The following LRSAM1 variants were observed in gnomAD, a reference collection of about 807,000 sequenced individuals.
LRSAM1 encodes the protein leucine rich repeat and sterile alpha motif containing 1.
A neutral mutation model predicts 118.1 loss-of-function variants in LRSAM1; 96 were observed. The ratio of observed to expected loss-of-function variants is 0.81; its 90% CI spans 0.69 to 0.96. The LOEUF is 0.96. LRSAM1 is among the 40% of genes least tolerant of loss of function. LRSAM1 has a pLI of 0.00. For missense variants in LRSAM1, 804 were observed against 915.5 expected (o/e 0.88, Z 1.57); for synonymous variants, 322 against 364.2 (o/e 0.88, Z 1.32).
chr9:127,463,198 C>CAA (rs35181083), intron 9 of LRSAM1, among the ~76,000 whole-genome samples: 98 of 98,600 alleles, frequency 9.9e-4, no homozygotes, highest in Admixed American at 2.0e-3. Flanking sequence ...GACTTTGTCT[C>CAA]AAAAAAAAAA....
chr9:127,460,986 G>T (rs1222218565), intron 7 of LRSAM1, among the ~76,000 whole-genome samples, 187 bp from the exon 8 acceptor site: 4 of 150,798 alleles, frequency 2.7e-5, no homozygotes, highest in African/African-American at 9.7e-5. Context: ...CTCCCGAGTA[G>T]CTGGGACTAC....
rs1359424380 is a variant in LRSAM1, at chr9:127,491,131, C to T, written c.1423-84C>T. On this transcript the variant is annotated intron_variant, in intron 19 of 25. Coordinates refer to ENST00000300417, the MANE Select transcript of LRSAM1 (RefSeq NM_001005373.4). ...CCTCCCCAGAAAGGCTTCTTAGACC[C>T]ACTTGGTCACCAGAGAGTAGCAGCA... 6 of 1,163,496 alleles carry T rather than the reference C, an allele frequency of 5.2e-6. No homozygotes were observed. In the Admixed American group the frequency reaches 8.4e-5, roughly 16 times the overall value. The allele number at this position is 1,163,496 out of a possible 1,614,324, so 72.1% of individuals were successfully genotyped here.
chr9:127,488,869 A>C (rs181718451), intron 18 of LRSAM1, among the ~76,000 whole-genome samples: 1 of 152,076 alleles, frequency 6.6e-6, no homozygotes, highest in Admixed American at 6.6e-5. Flanking sequence ...GGGATTACAG[A>C]CATGAGCCAC....
rs111823259 is a variant in LRSAM1 at position 127,474,260 on chromosome 9, CTT to C, written c.750+344_750+345del. 1.8e-3 allele frequency among the ~76,000 whole-genome samples: 252 copies of C among 139,446 alleles called. 1 individual carries two copies. Among genetic ancestry groups the C allele is most frequent in the South Asian group, 0.012 (52 of 4,354 alleles). The allele number at this position is 139,446 out of a possible 152,430, so 91.5% of individuals were successfully genotyped here. ...CACTCACTTGTCTTATCCTTCAGTT[CTT>C]TTTTTTTTTTTTTTCCTTTTTTTGA... is the stretch of plus-strand genomic sequence containing the variant. On this transcript the variant is annotated intron_variant, in intron 11 of 25. Coordinates refer to ENST00000300417, the MANE Select transcript of LRSAM1 (RefSeq NM_001005373.4).
At chr9:127,475,143 AG>A (rs1406231081) in intron 11 of LRSAM1, among the ~76,000 whole-genome samples, 1 of 152,140 alleles carries the variant, frequency 6.6e-6, no homozygotes, top group Non-Finnish European at 1.5e-5. Context: ...TCACATTCTC[AG>A]AAAATATTTG....
intron 2 of LRSAM1, chr9:127,453,669 A>C (rs570872733): frequency 6.6e-6 from 1 of 152,450 alleles, no homozygotes; most frequent in East Asian, 1.9e-4. Context: ...GAACAGGAAA[A>C]GGATAATGCC....
chr9:127,454,689 C>T lies in LRSAM1; in HGVS notation c.72+90C>T, dbSNP rs1588090580. The T allele has an allele frequency of 2.2e-6, 3 of 1,340,700 alleles. No homozygotes were observed. The East Asian group carries it at 7.2e-5, about 32-fold the overall frequency. The allele number at this position is 1,340,700 out of a possible 1,614,324, so 83.1% of individuals were successfully genotyped here. A position where few individuals can be genotyped will look rare whatever the true frequency, so the allele number is the denominator to read the frequency against. On this transcript the variant is annotated intron_variant, in intron 3 of 25. Coordinates refer to ENST00000300417, the MANE Select transcript of LRSAM1 (RefSeq NM_001005373.4). ...TCCGCACTGCCCCCAACAAGCCGTG[C>T]TCCTTCCCATCTGCCTCCCCCACCC...
rs533202276 is a variant in LRSAM1 at position 127,470,231 on chromosome 9, G to T, written c.619+2401G>T. On this transcript the variant is annotated intron_variant, in intron 10 of 25. Coordinates refer to ENST00000300417, the MANE Select transcript of LRSAM1 (RefSeq NM_001005373.4). ...ATGAAGAAATTCTTTATAAAGAAAA[G>T]AAGTTTAATTGACTCACAGTTTCAC... is the stretch of plus-strand genomic sequence containing the variant. Among the ~76,000 whole-genome samples, 4 of 152,140 alleles carry T rather than the reference G, an allele frequency of 2.6e-5. No individual in the cohort carries two copies. In the South Asian group the frequency reaches 8.3e-4, roughly 32 times the overall value.
At chr9:127,494,003 C>T (rs1232955388) in intron 21 of LRSAM1, among the ~76,000 whole-genome samples, 1 of 152,276 alleles carries the variant, frequency 6.6e-6, no homozygotes, top group Non-Finnish European at 1.5e-5. Flanking sequence ...CTGCCTGTTC[C>T]TCACGGTGCC....
chr9:127,485,177 A>G (rs970827675), intron 16 of LRSAM1, among the ~76,000 whole-genome samples: 5 of 152,182 alleles, frequency 3.3e-5, no homozygotes, highest in African/African-American at 1.2e-4. Context: ...ATGGAATAAT[A>G]TTTCTGGATG....
Position 127,495,386 on chromosome 9 carries a change from T to A in LRSAM1, c.1666T>A (p.Leu556Met), listed in dbSNP as rs1481668823. Residue 556 changes from leucine to methionine, a missense_variant, in exon 22 of 26, where the codon TTG (leucine) becomes ATG (methionine). Transcript: ENST00000300417. The part of the protein sequence containing the change: ...NYWLIQYQRL[L>M]NQKPLSLKLQ... The stretch of plus-strand genomic sequence containing the variant: ...CTGGCTGATTCAGTATCAACGGCTT[T>A]TGAACCAGAAGCCCTTGTCCTTGAA... 1.2e-6 allele frequency: 2 copies of A among 1,614,014 alleles called. No homozygotes were observed. The highest frequency in any genetic ancestry group is 2.2e-5 in the South Asian group (2 of 91,082).
Position 127,479,973 on chromosome 9 carries a change from T to C in LRSAM1, c.1038T>C (p.Asn346=), listed in dbSNP as rs1835477422. The change falls in exon 14 of 26, where the codon AAT becomes AAC. Residue 346 remains asparagine (N), a synonymous_variant. Coordinates refer to ENST00000300417, the MANE Select transcript of LRSAM1 (RefSeq NM_001005373.4). ...SSRIQKLLQD[N]QRQKKSSEIL... Reference sequence around the variant, plus strand: ...GGATCCAGAAGCTGCTGCAGGACAATCAGAGGTTGGGCTCTGCTCCTCGGC... The same window carrying C: ...GGATCCAGAAGCTGCTGCAGGACAACCAGAGGTTGGGCTCTGCTCCTCGGC... 6.2e-7 allele frequency: 1 copy of C among 1,614,098 alleles called. No individual in the cohort carries two copies. Among genetic ancestry groups the C allele is most frequent in the Non-Finnish European group, 8.5e-7 (1 of 1,180,024 alleles).
chr9:127,469,156 A>G (rs1835070912), intron 10 of LRSAM1, among the ~76,000 whole-genome samples: 1 of 152,126 alleles, frequency 6.6e-6, no homozygotes, highest in South Asian at 2.1e-4. Flanking sequence ...GACATTAGCA[A>G]AAGACTTGAC....
chr9:127,455,864 A>C (rs1328033320), intron 5 of LRSAM1, among the ~76,000 whole-genome samples: 2 of 152,052 alleles, frequency 1.3e-5, no homozygotes, highest in East Asian at 3.9e-4. Context: ...TTAAACTCTT[A>C]CTTCTCAGTT....
At chr9:127,490,631 C>G (rs1020088610) in intron 19 of LRSAM1, among the ~76,000 whole-genome samples, 1 of 152,210 alleles carries the variant, frequency 6.6e-6, no homozygotes. Context: ...GAGAACCTCT[C>G]TGAGCCTCAG....
At chr9:127,455,130 G>A in intron 4 of LRSAM1, 76 bp downstream of exon 4, 1 of 1,435,702 alleles carries the variant, frequency 7.0e-7, no homozygotes. Context: ...AGGAAAGACA[G>A]AGGTGGACTG....
At chr9:127,462,851 A>C (rs1331963810) in intron 9 of LRSAM1, among the ~76,000 whole-genome samples, 1 of 152,080 alleles carries the variant, frequency 6.6e-6, no homozygotes, top group Non-Finnish European at 1.5e-5. Flanking sequence ...AAGAAAAAAA[A>C]AGTTAAAAAA....
At chr9:127,483,512 T>C (rs7034813) in intron 16 of LRSAM1, among the ~76,000 whole-genome samples, 1 of 151,986 alleles carries the variant, frequency 6.6e-6, no homozygotes, top group Non-Finnish European at 1.5e-5. Flanking sequence ...ATGTTGGTGA[T>C]CCATATGCTG....
chr9:127,459,311 C>T (rs564902335), intron 7 of LRSAM1, among the ~76,000 whole-genome samples: 18 of 151,596 alleles, frequency 1.2e-4, no homozygotes, highest in South Asian at 2.1e-4. Flanking sequence ...CTCTGCCTCC[C>T]GAGTTCAAGC....
Sources: gnomAD v4.1 joint callset for allele counts (sites outside exome capture counted in the v4.1 genomes callset) on GRCh38, gnomAD v4.1.1 for gene constraint, MANE v1.5 for transcripts, NCBI Gene and HGNC (gene_info 2026-07-23, HGNC 2026-07-21) for gene names.